DSCAM: variants seen among roughly 807,000 people sequenced by gnomAD.
The protein encoded by DSCAM is DS cell adhesion molecule.
In DSCAM, 47 loss-of-function variants were observed where a neutral mutation model predicts 217.7. That is an observed-to-expected ratio of 0.22 (90% confidence interval 0.17 to 0.28). DSCAM has a LOEUF of 0.28. Ranked by LOEUF, DSCAM falls within the 10% of genes least tolerant of loss-of-function variation. The pLI, the probability that DSCAM is intolerant of heterozygous loss-of-function variation, is 1.00. For synonymous variants in DSCAM, 1,056 were observed against 1,015.3 expected (o/e 1.04, Z -0.76); for missense variants, 2,080 against 2,618.3 (o/e 0.79, Z 4.49).
At chr21:40,691,043 A>G (rs2090532764) in intron 3 of DSCAM, among the ~76,000 whole-genome samples, 3 of 152,210 alleles carry the variant, frequency 2.0e-5, no homozygotes, top group Non-Finnish European at 4.4e-5. Context: ...ACACAAGTTT[A>G]CCTGTGTAAA....
At chr21:40,657,957 C>A (rs777216376) in intron 3 of DSCAM, among the ~76,000 whole-genome samples, 5 of 152,128 alleles carry the variant, frequency 3.3e-5, no homozygotes, top group Non-Finnish European at 2.9e-5. Flanking sequence ...AGCCAACCAG[C>A]AATCTCCAAT....
At chr21:40,246,681 C>G (rs1259881939) in intron 11 of DSCAM, among the ~76,000 whole-genome samples, 2 of 152,102 alleles carry the variant, frequency 1.3e-5, no homozygotes, top group African/African-American at 4.8e-5. Context: ...TGCTAGAAAT[C>G]AGGCAGAAGC....
chr21:40,248,337 C>T (rs185376088), intron 11 of DSCAM, among the ~76,000 whole-genome samples: 5 of 152,332 alleles, frequency 3.3e-5, no homozygotes, highest in Non-Finnish European at 7.3e-5. Context: ...CTTTTATGCT[C>T]TGCTTCCCTT....
In DSCAM at chr21:40,510,240, T is replaced by C. The variant is rs11910077; in HGVS notation, c.509-140995A>G. On this transcript the variant is annotated intron_variant, in intron 3 of 32. Coordinates refer to ENST00000400454, the MANE Select transcript of DSCAM (RefSeq NM_001389.5). ...GTCCAATATAGAAATAAACACTATA[T>C]AGGCTAGGCTTCTAAAAAAAAGACT... Among the ~76,000 whole-genome samples the C allele has an allele frequency of 8.8e-3, 1,343 of 152,154 alleles. 24 individuals carry two copies. The highest frequency in any genetic ancestry group is 0.031 in the African/African-American group (1,271 of 41,492).
intron 3 of DSCAM, among the ~76,000 whole-genome samples, chr21:40,679,584 A>G (rs886664551): frequency 6.6e-6 from 1 of 152,242 alleles, no homozygotes; most frequent in African/African-American, 2.4e-5. Context: ...AATAACTGAC[A>G]TGTGCTACAA....
At chr21:40,141,999 C>CACACACACACAT (rs956528094) in intron 18 of DSCAM, among the ~76,000 whole-genome samples, 1 of 151,158 alleles carries the variant, frequency 6.6e-6, no homozygotes. Flanking sequence ...CACACACACA[C>CACACACACACAT]GATAAAGAAC....
At chr21:40,810,863 C>T (rs2091831679) in intron 1 of DSCAM, among the ~76,000 whole-genome samples, 1 of 152,112 alleles carries the variant, frequency 6.6e-6, no homozygotes, top group African/African-American at 2.4e-5. Context: ...CATGATAGTG[C>T]CACTGTACTC....
At chr21:40,194,174 G>A (rs928684616) in intron 11 of DSCAM, among the ~76,000 whole-genome samples, 1 of 152,144 alleles carries the variant, frequency 6.6e-6, no homozygotes. Flanking sequence ...TACTTTGAAA[G>A]AGTGCCCTAC....
chr21:40,310,902 T>C (rs2074130452), intron 9 of DSCAM, among the ~76,000 whole-genome samples: 1 of 152,340 alleles, frequency 6.6e-6, no homozygotes, highest in Admixed American at 6.5e-5. Flanking sequence ...GCTAAGTTTG[T>C]GTCTAATTGA....
At chr21:40,808,730 C>T (rs1040649332) in intron 1 of DSCAM, among the ~76,000 whole-genome samples, 2 of 152,138 alleles carry the variant, frequency 1.3e-5, no homozygotes, top group African/African-American at 4.8e-5. Flanking sequence ...CCACCTTGCC[C>T]TCCTAAAGTG....
chr21:40,678,607 T>TATCC (rs570306157), intron 3 of DSCAM, among the ~76,000 whole-genome samples: 19 of 152,302 alleles, frequency 1.2e-4, no homozygotes, highest in African/African-American at 4.6e-4. Context: ...AGGGCTCCAG[T>TATCC]ATCCAGCTCA....
At chr21:40,461,994 T>C (rs1569133595) in intron 3 of DSCAM, among the ~76,000 whole-genome samples, 1 of 152,026 alleles carries the variant, frequency 6.6e-6, no homozygotes, top group Non-Finnish European at 1.5e-5. Context: ...TGACAATAAC[T>C]TTGTCTTAAG....
chr21:40,474,574 G>A (rs2075917692), intron 3 of DSCAM, among the ~76,000 whole-genome samples: 1 of 152,150 alleles, frequency 6.6e-6, no homozygotes, highest in Non-Finnish European at 1.5e-5. Context: ...TCCCCCCTGA[G>A]CTGGAACAGC....
intron 11 of DSCAM, among the ~76,000 whole-genome samples, chr21:40,269,185 G>A (rs990559940): frequency 1.3e-5 from 2 of 152,166 alleles, no homozygotes; most frequent in Admixed American, 6.5e-5. Flanking sequence ...GGCCTAGACA[G>A]CAAAGGCAAT....
At chr21:40,366,312 T>C (rs1601590542) in intron 4 of DSCAM, among the ~76,000 whole-genome samples, 1 of 152,148 alleles carries the variant, frequency 6.6e-6, no homozygotes, top group East Asian at 1.9e-4. Flanking sequence ...GTCAGACATC[T>C]ATACATTTTT....
chr21:40,017,030 C>G (rs935459369), intron 32 of DSCAM, among the ~76,000 whole-genome samples: 1 of 150,598 alleles, frequency 6.6e-6, no homozygotes, highest in African/African-American at 2.4e-5. Flanking sequence ...GCAGGAGAAT[C>G]TTTTGAACCT....
At chr21:40,770,916 T>C (rs142482341) in intron 1 of DSCAM, among the ~76,000 whole-genome samples, 147 of 152,108 alleles carry the variant, frequency 9.7e-4, no homozygotes, top group African/African-American at 3.3e-3. Flanking sequence ...ACAGAAGAGG[T>C]AGAAAGGGTG....
At chr21:40,219,579 T>C (rs993614225) in intron 11 of DSCAM, among the ~76,000 whole-genome samples, 1 of 152,220 alleles carries the variant, frequency 6.6e-6, no homozygotes, top group Non-Finnish European at 1.5e-5. Context: ...ATTTCTTTGG[T>C]ATAGATAATT....
chr21:40,284,044 T>C (rs949719808), intron 10 of DSCAM, among the ~76,000 whole-genome samples: 1 of 152,184 alleles, frequency 6.6e-6, no homozygotes, highest in African/African-American at 2.4e-5. Flanking sequence ...TGCATTTGTT[T>C]TTCTTCTTTA....
Sources: gnomAD v4.1 joint callset for allele counts (sites outside exome capture counted in the v4.1 genomes callset) on GRCh38, gnomAD v4.1.1 for gene constraint, MANE v1.5 for transcripts, NCBI Gene and HGNC (gene_info 2026-07-23, HGNC 2026-07-21) for gene names.